The following MAGI2 variants were observed in gnomAD, a reference collection of about 807,000 sequenced individuals.
MAGI2 encodes membrane associated guanylate kinase, WW and PDZ domain containing 2.
Under a neutral mutation model 133.3 loss-of-function variants are expected in MAGI2, and 35 were observed. The ratio of observed to expected loss-of-function variants is 0.26; its 90% CI spans 0.20 to 0.35. The LOEUF (loss-of-function observed/expected upper bound fraction) is 0.35. Ranked by LOEUF, MAGI2 falls within the 10% of genes least tolerant of loss-of-function variation. The pLI is 1.00. For synonymous variants in MAGI2, 729 were observed against 710.6 expected (o/e 1.03, Z -0.41); for missense variants, 1,636 against 1,863.4 (o/e 0.88, Z 2.25).
chr7:78,277,888 T>C (rs73150274), intron 9 of MAGI2, among the ~76,000 whole-genome samples: 29,980 of 151,784 alleles, frequency 0.2, 3,354 homozygotes, highest in South Asian at 0.31. Flanking sequence ...AGAAAATGCA[T>C]AGAAAAGTAA....
intron 2 of MAGI2, among the ~76,000 whole-genome samples, chr7:78,711,942 A>T (rs999617963): frequency 1.3e-5 from 2 of 152,184 alleles, no homozygotes; most frequent in African/African-American, 4.8e-5. Context: ...GGCACCAACA[A>T]CTTAAAGAGT....
At chr7:78,451,930 T>G (rs1788765589) in intron 6 of MAGI2, among the ~76,000 whole-genome samples, 1 of 152,122 alleles carries the variant, frequency 6.6e-6, no homozygotes, top group Non-Finnish European at 1.5e-5. Flanking sequence ...CTTGAGGCAT[T>G]TAAAAATATT....
chr7:78,933,836 C>T lies in MAGI2; in HGVS notation c.418+73254G>A, dbSNP rs138646234. ...AAGACAAAAAATATTGTTAATGAGG[C>T]AGGTAACGCTGGAGAAAACATTTTA... is the stretch of plus-strand genomic sequence containing the variant. On this transcript the variant is annotated intron_variant, in intron 2 of 21. Transcript: ENST00000354212. 2.2e-3 allele frequency among the ~76,000 whole-genome samples: 334 copies of T among 152,086 alleles called. 1 individual carries two copies. Among genetic ancestry groups the T allele is most frequent in the African/African-American group, 7.8e-3 (323 of 41,512 alleles).
rs545829701 is a variant in MAGI2, at chr7:79,441,144, G to A, written c.301+11876C>T. On this transcript the variant is annotated intron_variant, in intron 1 of 21. Coordinates refer to ENST00000354212, the MANE Select transcript of MAGI2 (RefSeq NM_012301.4). ...AGTCTAGTTCCTTCCCGCGGTCTGA[G>A]GCCATCCTGATACGAAACACTTACC... Among the ~76,000 whole-genome samples the A allele has an allele frequency of 8.5e-5, 13 of 152,308 alleles. No homozygotes were observed. In the South Asian group the frequency reaches 2.1e-3, roughly 24 times the overall value.
intron 6 of MAGI2, among the ~76,000 whole-genome samples, chr7:78,479,172 A>T (rs910146304): frequency 1.1e-4 from 16 of 151,972 alleles, no homozygotes; most frequent in African/African-American, 3.6e-4. Context: ...CACAATCAAT[A>T]CAATTTCACA....
At chr7:78,663,541 G>A (rs938007023) in intron 2 of MAGI2, among the ~76,000 whole-genome samples, 2 of 151,994 alleles carry the variant, frequency 1.3e-5, no homozygotes, top group Non-Finnish European at 2.9e-5. Flanking sequence ...AACAACTTTT[G>A]CTGAATAGTT....
At chr7:78,066,443 CAGAA>C (rs1164626617) in intron 21 of MAGI2, among the ~76,000 whole-genome samples, 2 of 143,900 alleles carry the variant, frequency 1.4e-5, no homozygotes, top group Non-Finnish European at 1.5e-5. Flanking sequence ...GCCTGGGCAT[CAGAA>C]TGAGACTCTG....
intron 1 of MAGI2, among the ~76,000 whole-genome samples, chr7:79,315,022 T>C (rs1302040220): frequency 1.3e-5 from 2 of 152,178 alleles, no homozygotes; most frequent in Non-Finnish European, 2.9e-5. Context: ...ACTTATTGTT[T>C]AGGCTGGTTT....
At chr7:78,361,967 G>A (rs561200605) in intron 7 of MAGI2, among the ~76,000 whole-genome samples, 6 of 152,250 alleles carry the variant, frequency 3.9e-5, no homozygotes, top group African/African-American at 1.4e-4. Context: ...AGAGAGACTG[G>A]ACGGGAGACT....
chr7:78,936,292 C>T (rs1201881598), intron 2 of MAGI2, among the ~76,000 whole-genome samples: 2 of 151,818 alleles, frequency 1.3e-5, no homozygotes, highest in Non-Finnish European at 2.9e-5. Context: ...CCATGCTAAG[C>T]ATTTTGTATG....
intron 2 of MAGI2, among the ~76,000 whole-genome samples, chr7:78,834,658 T>C (rs1791461675): frequency 6.6e-6 from 1 of 152,190 alleles, no homozygotes; most frequent in Non-Finnish European, 1.5e-5. Context: ...ATAAAAGCTT[T>C]ATGTATAATG....
intron 1 of MAGI2, among the ~76,000 whole-genome samples, chr7:79,266,048 C>T (rs1334848700): frequency 6.6e-6 from 1 of 151,926 alleles, no homozygotes; most frequent in Non-Finnish European, 1.5e-5. Context: ...CTATTAACAC[C>T]AAAATCTCTA....
At chr7:78,378,187 C>T (rs1306938522) in intron 6 of MAGI2, among the ~76,000 whole-genome samples, 3 of 151,600 alleles carry the variant, frequency 2.0e-5, no homozygotes. Flanking sequence ...TTGAGGAAAG[C>T]CATGACAATA....
chr7:78,546,648 T>A (rs896791506), intron 3 of MAGI2, among the ~76,000 whole-genome samples: 34 of 150,638 alleles, frequency 2.3e-4, no homozygotes, highest in African/African-American at 6.9e-4. Context: ...AAATGGTCCT[T>A]TTATCACACC....
intron 5 of MAGI2, among the ~76,000 whole-genome samples, chr7:78,492,097 T>C (rs1793676663): frequency 6.6e-6 from 1 of 152,056 alleles, no homozygotes; most frequent in South Asian, 2.1e-4. Flanking sequence ...GGGTAAGTAT[T>C]AAGGGAACAT....
intron 1 of MAGI2, among the ~76,000 whole-genome samples, chr7:79,399,261 A>AT (rs1415638066): frequency 2.0e-5 from 3 of 150,954 alleles, no homozygotes; most frequent in Admixed American, 2.0e-4. Flanking sequence ...TACCTGGCTA[A>AT]TTTTTTATTT....
rs763402894 is a variant in MAGI2 at position 79,132,581 on chromosome 7, T to C, written c.302-125375A>G. Among the ~76,000 whole-genome samples, 4 of 152,306 alleles carry C rather than the reference T, an allele frequency of 2.6e-5. 1 individual carries two copies. In the Middle Eastern group the frequency reaches 0.01, roughly 389 times the overall value. Reference sequence around the variant, plus strand: ...GGTTGGTTCCACATCTTTGCAATTATGAATTTTGCTTCTATAAACATATGG... The same window carrying C: ...GGTTGGTTCCACATCTTTGCAATTACGAATTTTGCTTCTATAAACATATGG... On this transcript the variant is annotated intron_variant, in intron 1 of 21. Coordinates refer to ENST00000354212, the MANE Select transcript of MAGI2 (RefSeq NM_012301.4).
chr7:78,066,462 A>T (rs1011625756), intron 21 of MAGI2, among the ~76,000 whole-genome samples: 1,008 of 25,908 alleles, frequency 0.039, 14 homozygotes, highest in African/African-American at 0.074. Flanking sequence ...ACTCTGTCTT[A>T]AAAAAAAAAA....
At chr7:78,274,354 C>G (rs1328593522) in intron 9 of MAGI2, among the ~76,000 whole-genome samples, 1 of 152,148 alleles carries the variant, frequency 6.6e-6, no homozygotes, top group Non-Finnish European at 1.5e-5. Flanking sequence ...CCATAGCTCT[C>G]CTGTATGAGG....
Sources: allele counts gnomAD v4.1 joint callset (sites outside exome capture counted in the v4.1 genomes callset), GRCh38; gene constraint gnomAD v4.1.1; transcripts MANE v1.5; gene names NCBI Gene and HGNC (gene_info 2026-07-23, HGNC 2026-07-21).